Variants in ALK observed in about 807,000 individuals in gnomAD.
ALK encodes the protein ALK tyrosine kinase receptor.
A neutral mutation model predicts 163.1 loss-of-function variants in ALK; 74 were observed. That is an observed-to-expected ratio of 0.45 (90% CI 0.38 to 0.55). The LOEUF (loss-of-function observed/expected upper bound fraction) is 0.55. ALK is among the 20% of genes least tolerant of loss of function. The pLI is 0.00. For synonymous variants in ALK, 960 were observed against 843.2 expected, an observed-to-expected ratio of 1.14 and a Z score of -2.40; for missense variants, 2,063 against 2,105.3, an observed-to-expected ratio of 0.98 and a Z score of 0.39.
chr2:29,420,497 T>C (rs896475071), intron 4 of ALK, among the ~76,000 whole-genome samples: 1 of 151,494 alleles, frequency 6.6e-6, no homozygotes, highest in Admixed American at 6.6e-5. Flanking sequence ...AGGACTGATT[T>C]TTCCTTCCAG....
chr2:29,731,898 C>T (rs894468865), intron 1 of ALK, among the ~76,000 whole-genome samples: 37 of 152,252 alleles, frequency 2.4e-4, no homozygotes, highest in Admixed American at 2.2e-3. Flanking sequence ...CTGTCAGTGA[C>T]CTGTAAAGGT....
intron 3 of ALK, among the ~76,000 whole-genome samples, chr2:29,564,261 C>G (rs1419684420): frequency 2.0e-5 from 3 of 151,508 alleles, no homozygotes; most frequent in Non-Finnish European, 4.4e-5. Context: ...CTAACTTGGA[C>G]TCTCAAAGGC....
At chr2:29,482,920 GC>G in intron 4 of ALK, among the ~76,000 whole-genome samples, 1 of 152,146 alleles carries the variant, frequency 6.6e-6, no homozygotes, top group Non-Finnish European at 1.5e-5. Context: ...AATGGAGAGT[GC>G]CAATGGCAGC....
chr2:29,756,323 A>G (rs957462295), intron 1 of ALK, among the ~76,000 whole-genome samples: 4 of 152,134 alleles, frequency 2.6e-5, no homozygotes, highest in African/African-American at 9.7e-5. Context: ...CAGATTTTAT[A>G]CTTTGTCAGT....
At chr2:29,577,138 T>C (rs932332236) in intron 3 of ALK, among the ~76,000 whole-genome samples, 5 of 152,104 alleles carry the variant, frequency 3.3e-5, no homozygotes, top group African/African-American at 7.2e-5. Flanking sequence ...AGCCCATGCA[T>C]GGCACCCGCC....
chr2:29,571,576 A>G (rs1241172613), intron 3 of ALK, among the ~76,000 whole-genome samples: 6 of 124,828 alleles, frequency 4.8e-5, no homozygotes, highest in Non-Finnish European at 8.4e-5. Flanking sequence ...TCTTTCCTTT[A>G]TAAATTACCT....
At chr2:29,425,731 T>C (rs1253061821) in intron 4 of ALK, among the ~76,000 whole-genome samples, 3 of 152,148 alleles carry the variant, frequency 2.0e-5, no homozygotes, top group Admixed American at 6.5e-5. Context: ...GCCATAAGAA[T>C]AGAGATCTTC....
chr2:29,525,371 C>A (rs1252270092), intron 4 of ALK, among the ~76,000 whole-genome samples: 1 of 152,126 alleles, frequency 6.6e-6, no homozygotes, highest in Admixed American at 6.5e-5. Flanking sequence ...TGTGATCAAC[C>A]AATTCAAGCT....
intron 26 of ALK, among the ~76,000 whole-genome samples, chr2:29,200,593 C>T (rs1482114583): frequency 6.6e-6 from 1 of 151,236 alleles, no homozygotes; most frequent in South Asian, 2.1e-4. Context: ...ATCTAGAAAC[C>T]CTACAGATGA....
chr2:29,254,471 C>T (rs1407161212), intron 11 of ALK, among the ~76,000 whole-genome samples: 2 of 152,122 alleles, frequency 1.3e-5, no homozygotes, highest in Non-Finnish European at 2.9e-5. Context: ...GAAATATTCC[C>T]AGAGATGCTG....
chr2:29,730,610 C>T (rs1679713218), intron 1 of ALK, among the ~76,000 whole-genome samples: 1 of 152,296 alleles, frequency 6.6e-6, no homozygotes, highest in Non-Finnish European at 1.5e-5. Context: ...CCAACTTACA[C>T]AAGAGGAAAA....
intron 5 of ALK, among the ~76,000 whole-genome samples, chr2:29,358,251 T>C (rs1359233575): frequency 6.6e-6 from 1 of 152,256 alleles, no homozygotes; most frequent in East Asian, 1.9e-4. Flanking sequence ...GAAAAGGCAA[T>C]GCTGTCCTCT....
intron 1 of ALK, among the ~76,000 whole-genome samples, chr2:29,789,015 CTGTGTGTGTGTGTGTG>C (rs57619106): frequency 1.6e-5 from 2 of 125,404 alleles, no homozygotes; most frequent in African/African-American, 2.8e-5. Context: ...TCCTGGTACA[CTGTGTGTGTGTGTGTG>C]TGTGTGTGTG....
At chr2:29,361,744 C>A (rs1389023518) in intron 5 of ALK, among the ~76,000 whole-genome samples, 1 of 152,148 alleles carries the variant, frequency 6.6e-6, no homozygotes, top group African/African-American at 2.4e-5. Flanking sequence ...GGGCTGGAAA[C>A]CCTCAAAACT....
chr2:29,775,486 A>G (rs988171097), intron 1 of ALK, among the ~76,000 whole-genome samples: 3 of 152,016 alleles, frequency 2.0e-5, no homozygotes, highest in Non-Finnish European at 4.4e-5. Flanking sequence ...TTTTCCTCAT[A>G]GTCAGAAACC....
intron 3 of ALK, among the ~76,000 whole-genome samples, chr2:29,629,418 C>T (rs1676293635): frequency 6.6e-6 from 1 of 152,050 alleles, no homozygotes; most frequent in Admixed American, 6.6e-5. Context: ...ATACAATGGC[C>T]CACAACAGGA....
chr2:29,495,290 T>C (rs1425259829), intron 4 of ALK, among the ~76,000 whole-genome samples: 2 of 152,046 alleles, frequency 1.3e-5, no homozygotes, highest in African/African-American at 4.8e-5. Flanking sequence ...GTTTGGCCAA[T>C]GGGAACACCA....
chr2:29,850,907 C>T (rs1175318538), intron 1 of ALK, among the ~76,000 whole-genome samples: 1 of 152,212 alleles, frequency 6.6e-6, no homozygotes, highest in Non-Finnish European at 1.5e-5. Flanking sequence ...CAGCCCTGCC[C>T]CCGGGGGACT....
chr2:29,801,966 C>A (rs1664477491), intron 1 of ALK, among the ~76,000 whole-genome samples: 2 of 152,034 alleles, frequency 1.3e-5, no homozygotes, highest in Admixed American at 1.3e-4. Context: ...GTCTGGGGGA[C>A]ATAAATAATA....
Sources: allele counts gnomAD v4.1 joint callset (sites outside exome capture counted in the v4.1 genomes callset), GRCh38; gene constraint gnomAD v4.1.1; transcripts MANE v1.5; gene names NCBI Gene and HGNC (gene_info 2026-07-23, HGNC 2026-07-21).